The following TBC1D2B variants were observed in gnomAD, a reference collection of about 807,000 sequenced individuals.
The protein encoded by TBC1D2B is TBC1 domain family member 2B, also known as TBC1 domain family, member 2B.
Under a neutral mutation model 100.8 loss-of-function variants are expected in TBC1D2B, and 64 were observed. The observed-to-expected ratio is 0.64, with a 90% CI of 0.52 to 0.78. The LOEUF (loss-of-function observed/expected upper bound fraction) is 0.78, where lower values mean the gene tolerates loss of function less well. Among genes scored for constraint, TBC1D2B ranks in the 30% least tolerant of loss-of-function variants. The pLI, the probability that TBC1D2B is intolerant of heterozygous loss-of-function variation, is 0.00. For missense variants in TBC1D2B, 1,052 were observed against 1,218.4 expected, an observed-to-expected ratio of 0.86 and a Z score of 2.03; for synonymous variants, 480 against 479.7, an observed-to-expected ratio of 1.00 and a Z score of -0.01.
intron 10 of TBC1D2B, among the ~76,000 whole-genome samples, chr15:78,008,716 C>T (rs1410670710): frequency 1.3e-5 from 2 of 152,188 alleles, no homozygotes; most frequent in Non-Finnish European, 2.9e-5. Context: ...GGCCTGTGTC[C>T]GGGGAAGACA....
chr15:78,050,022 T>C (rs1380279455), intron 2 of TBC1D2B, among the ~76,000 whole-genome samples: 2 of 152,172 alleles, frequency 1.3e-5, no homozygotes, highest in East Asian at 3.8e-4. Context: ...AAAGCACAGC[T>C]TCCTTGATCT....
chr15:78,010,480 T>C (rs2072194677), intron 9 of TBC1D2B, among the ~76,000 whole-genome samples: 1 of 152,044 alleles, frequency 6.6e-6, no homozygotes, highest in Non-Finnish European at 1.5e-5. Flanking sequence ...TAGATAAAAC[T>C]ATAATGAACT....
At position 78,077,597 on chromosome 15, in the gene TBC1D2B, G is replaced by T; in HGVS notation, c.56C>A (p.Ala19Glu). The change falls in exon 1 of 13, where the codon GCG (alanine) becomes GAG (glutamate). Residue 19 changes from alanine to glutamate, a missense_variant. Ala to Glu is a moderately radical substitution (Grantham distance 107). This residue lies in a region of TBC1D2B where 627 missense variants were observed against 646.1 expected (regional missense o/e 0.97). Coordinates refer to ENST00000300584, the MANE Select transcript of TBC1D2B (RefSeq NM_144572.2). ...CCCGGGCTCCGCGGCCGCCCCCTGC[G>T]CCGCGCCCTCGCCGCCGCCGCCGCC... is the stretch of plus-strand genomic sequence containing the variant. ...EEGGGGGEGA[A>E]QGAAAEPGAG... is the part of the protein sequence containing the mutation. 8.7e-7 allele frequency: 1 copy of T among 1,153,134 alleles called. No homozygotes were observed. The allele number at this position is 1,153,134 out of a possible 1,614,324, so 71.4% of individuals were successfully genotyped here.
intron 4 of TBC1D2B, among the ~76,000 whole-genome samples, chr15:78,028,822 C>T (rs546168047): frequency 2.5e-4 from 38 of 152,112 alleles, no homozygotes; most frequent in African/African-American, 8.7e-4. Flanking sequence ...CTCCTCAGCA[C>T]GAAGACCTGG....
rs1417933587 is a variant in TBC1D2B at position 78,077,456 on chromosome 15, T to C, written c.197A>G (p.Tyr66Cys). The C allele has an allele frequency of 2.3e-5, 36 of 1,539,780 alleles. No individual in the cohort carries two copies. Among genetic ancestry groups the C allele is most frequent in the Non-Finnish European group, 1.7e-5 (19 of 1,142,960 alleles). ...RWFVFDARRC[Y>C]LYYFKSPQDA... ...CTGCGGACTCTTGAAATAGTAAAGG[T>C]AGCAGCGGCGCGCGTCGAACACGAA... The change falls in exon 1 of 13, where the codon TAC becomes TGC. Residue 66 changes from tyrosine to cysteine, a missense_variant. Around this residue, in one of 4 missense-constraint regions of TBC1D2B, gnomAD observed 627 missense variants for 646.1 expected, o/e 0.97. Coordinates refer to ENST00000300584, the MANE Select transcript of TBC1D2B (RefSeq NM_144572.2).
At chr15:78,016,442 T>G in intron 8 of TBC1D2B, 104 bp downstream of exon 8, 4 of 1,070,600 alleles carry the variant, frequency 3.7e-6, no homozygotes, top group Non-Finnish European at 4.1e-6. Flanking sequence ...GAGCACCAAA[T>G]GAGACACACA....
chr15:78,055,437 G>A (rs2073402844), intron 1 of TBC1D2B, among the ~76,000 whole-genome samples: 1 of 152,118 alleles, frequency 6.6e-6, no homozygotes, highest in Non-Finnish European at 1.5e-5. Flanking sequence ...CAAGAAGAAG[G>A]AAAGCTGCCA....
At chr15:78,005,734 T>C (rs1284209784) in intron 10 of TBC1D2B, among the ~76,000 whole-genome samples, 1 of 152,216 alleles carries the variant, frequency 6.6e-6, no homozygotes, top group Non-Finnish European at 1.5e-5. Context: ...GTTCTCCAGT[T>C]GGTAGAATAA....
rs2141598157 is a variant in TBC1D2B at position 77,996,032 on chromosome 15, G to GC, written c.*2127dup. On this transcript the variant is annotated 3_prime_UTR_variant, in exon 13 of 13. Transcript: ENST00000300584. ...CGTTCCCAAACTTTAACCAGGCGGA[G>GC]CCGCCCTCTCTTGCCTTCTGGACAC... 1 of 151,664 alleles carries GC rather than the reference G, an allele frequency of 6.6e-6. No homozygotes were observed. Among genetic ancestry groups the GC allele is most frequent in the South Asian group, 2.1e-4 (1 of 4,774 alleles). The allele number at this position is 151,664 out of a possible 1,614,324, so 9.4% of individuals were successfully genotyped here.
chr15:78,021,970 C>T (rs796894332), intron 6 of TBC1D2B, among the ~76,000 whole-genome samples: 2 of 152,212 alleles, frequency 1.3e-5, no homozygotes, highest in Non-Finnish European at 1.5e-5. Context: ...CTGCTCCACA[C>T]GTCTCCCCCA....
At chr15:78,062,455 T>C (rs1459764396) in intron 1 of TBC1D2B, among the ~76,000 whole-genome samples, 1 of 152,226 alleles carries the variant, frequency 6.6e-6, no homozygotes, top group Non-Finnish European at 1.5e-5. Context: ...CATTAATCTT[T>C]AGTTTTAAAA....
chr15:78,041,525 T>A (rs1247397309), intron 3 of TBC1D2B, among the ~76,000 whole-genome samples: 1 of 152,248 alleles, frequency 6.6e-6, no homozygotes, highest in Non-Finnish European at 1.5e-5. Context: ...TAAACCTTCA[T>A]TTATCTTTTA....
chr15:78,034,615 A>C (rs1596318724), intron 3 of TBC1D2B: 4 of 984,238 alleles, frequency 4.1e-6, no homozygotes, highest in Non-Finnish European at 4.8e-6. Flanking sequence ...ACTGCCACAC[A>C]CCCTCCTTCC....
rs778101384 is a variant in TBC1D2B, at chr15:78,024,237, G to GTTGCCC, written c.1383_1388dup (p.Gly462_Asn463insLysGly). 1.2e-5 allele frequency: 19 copies of GTTGCCC among 1,613,888 alleles called. No homozygotes were observed. The highest frequency in any genetic ancestry group is 1.7e-5 in the Admixed American group (1 of 60,030). ...TGGGCGCCACGGTGGGAGGAGGCCC[G>GTTGCCC]TTGCCCTCGCCCTCGCTGAGCTTGA... On this transcript the variant is annotated inframe_insertion, in exon 6 of 13. Coordinates refer to ENST00000300584, the MANE Select transcript of TBC1D2B (RefSeq NM_144572.2).
At chr15:78,072,666 G>A (rs1354624033) in intron 1 of TBC1D2B, among the ~76,000 whole-genome samples, 1 of 152,218 alleles carries the variant, frequency 6.6e-6, no homozygotes, top group East Asian at 1.9e-4. Context: ...CACCTACGGA[G>A]GGAGGAATTC....
chr15:78,006,574 G>A (rs1048535881), intron 10 of TBC1D2B, among the ~76,000 whole-genome samples: 1 of 152,204 alleles, frequency 6.6e-6, no homozygotes, highest in Non-Finnish European at 1.5e-5. Context: ...TGATGTTCTA[G>A]GAGGCCGTGG....
chr15:78,030,124 G>A lies in TBC1D2B; in HGVS notation c.730C>T (p.Arg244Trp), dbSNP rs758566825. 14 of 1,613,556 alleles carry A rather than the reference G, an allele frequency of 8.7e-6. No individual in the cohort carries two copies. The highest frequency in any genetic ancestry group is 1.3e-5 in the African/African-American group (1 of 74,902). ...FRPGRGHNDS[R>W]RTVFYTNEEW... ...TCATTGGTATAAAACACAGTCCTCC[G>A]ACTATCATTATGTCCTCTCCCAGGA... Residue 244 changes from arginine (R) to tryptophan (W), a missense_variant, in exon 4 of 13, where the codon CGG becomes TGG. Physicochemically the swap from Arg to Trp is moderately radical, Grantham distance 101 (BLOSUM62 -3). Coordinates refer to ENST00000300584, the MANE Select transcript of TBC1D2B (RefSeq NM_144572.2).
chr15:78,036,357 T>C lies in TBC1D2B; in HGVS notation c.684-6187A>G, dbSNP rs116457206. Among the ~76,000 whole-genome samples the C allele has an allele frequency of 6.0e-3, 908 of 152,298 alleles. 9 individuals carry two copies. The highest frequency in any genetic ancestry group is 0.02 in the African/African-American group (832 of 41,558). ...CTGCAAGCCAGGTCACTTGCTATGG[T>C]TTGAATATCTCCTCCAAAACTCATG... is the stretch of plus-strand genomic sequence containing the variant. On this transcript the variant is annotated intron_variant, in intron 3 of 12. Coordinates refer to ENST00000300584, the MANE Select transcript of TBC1D2B (RefSeq NM_144572.2).
In TBC1D2B at chr15:78,077,631, C is replaced by T. The variant is rs2073854311; in HGVS notation, c.22G>A (p.Ala8Thr). MPGAGAR[A>T]EEGGGGGEGA... ...TCGCCGCCGCCGCCGCCCTCCTCCG[C>T]CCGGGCTCCGGCCCCCGGCATCGCT... is the stretch of plus-strand genomic sequence containing the variant. The change falls in exon 1 of 13, where the codon GCG becomes ACG. Residue 8 changes from alanine (A) to threonine (T), a missense_variant. Coordinates refer to ENST00000300584, the MANE Select transcript of TBC1D2B (RefSeq NM_144572.2). 1 of 999,136 alleles carries T rather than the reference C, an allele frequency of 1.0e-6. No individual in the cohort carries two copies. The highest frequency in any genetic ancestry group is 1.2e-6 in the Non-Finnish European group (1 of 839,592). 61.9% of individuals were successfully genotyped at this position (999,136 alleles called of 1,614,324 possible).
Sources: allele counts gnomAD v4.1 joint callset (sites outside exome capture counted in the v4.1 genomes callset), GRCh38; gene constraint gnomAD v4.1.1; regional missense constraint gnomAD v4.1.1; transcripts MANE v1.5; gene names NCBI Gene and HGNC (gene_info 2026-07-23, HGNC 2026-07-21).